The following LPA variants were observed in gnomAD, a reference collection of about 807,000 sequenced individuals.
LPA encodes the protein apolipoprotein(a).
In LPA, 199 loss-of-function variants were observed where a neutral mutation model predicts 197.9. The ratio of observed to expected loss-of-function variants is 1.01; its 90% CI spans 0.90 to 1.13. LPA has a LOEUF of 1.13. Among genes scored for constraint, LPA ranks in the 50% most tolerant of loss-of-function variants. The pLI is 0.00. For missense variants in LPA, 1,853 were observed against 1,785.8 expected (o/e 1.04, Z -0.68); for synonymous variants, 715 against 639.5 (o/e 1.12, Z -1.78).
At chr6:160,582,135 T>G (rs753737267) in intron 26 of LPA, among the ~76,000 whole-genome samples, 2 of 152,138 alleles carry the variant, frequency 1.3e-5, no homozygotes, top group Non-Finnish European at 2.9e-5. Flanking sequence ...TTGTTTGCTG[T>G]GCATAGCGTT....
chr6:160,564,201 A>C (rs924999251), intron 28 of LPA, among the ~76,000 whole-genome samples: 4 of 152,288 alleles, frequency 2.6e-5, no homozygotes, highest in South Asian at 4.1e-4. Flanking sequence ...AGTAGCTGTT[A>C]CTGGTTTTTC....
intron 30 of LPA, among the ~76,000 whole-genome samples, chr6:160,552,127 G>T (rs1778176499): frequency 6.6e-6 from 1 of 152,100 alleles, no homozygotes; most frequent in Admixed American, 6.6e-5. Context: ...GCTAAGGCTG[G>T]TCTTGAACAT....
chr6:160,587,897 G>A (rs539851334), intron 24 of LPA, among the ~76,000 whole-genome samples: 1 of 152,000 alleles, frequency 6.6e-6, no homozygotes, highest in Admixed American at 6.6e-5. Flanking sequence ...CTAAAGTGAT[G>A]ATAAGGCCAT....
intron 19 of LPA, among the ~76,000 whole-genome samples, chr6:160,600,272 A>G (rs1779212797): frequency 6.6e-6 from 1 of 152,294 alleles, no homozygotes; most frequent in African/African-American, 2.4e-5. Context: ...GCATTGCAAT[A>G]AAGCAAAAGT....
In LPA at chr6:160,531,592, A is replaced by AAGT; in HGVS notation, c.*136_*137insACT. On this transcript the variant is annotated 3_prime_UTR_variant, in exon 39 of 39. Coordinates refer to ENST00000316300, the MANE Select transcript of LPA (RefSeq NM_005577.4). ...AAAGCTTATACACAAAAATACCAAAAATGCCAAGGTTTGGCATAGCTGGTA... is the reference window on the plus strand; with the variant it reads ...AAAGCTTATACACAAAAATACCAAAAAGTATGCCAAGGTTTGGCATAGCTGGTA... The AAGT allele has an allele frequency of 2.5e-6, 3 of 1,200,116 alleles. No individual in the cohort carries two copies. Among genetic ancestry groups the AAGT allele is most frequent in the Non-Finnish European group, 3.6e-6 (3 of 822,204 alleles). 74.3% of individuals were successfully genotyped at this position (1,200,116 alleles called of 1,614,324 possible). A position where few individuals can be genotyped will look rare whatever the true frequency, so the allele number is the denominator to read the frequency against.
chr6:160,596,310 C>T (rs1315359539), intron 20 of LPA, among the ~76,000 whole-genome samples: 1 of 151,926 alleles, frequency 6.6e-6, no homozygotes, highest in Non-Finnish European at 1.5e-5. Flanking sequence ...AGAGTTTACT[C>T]CCTTGTTGGT....
At chr6:160,533,693 C>A (rs149241450) in intron 37 of LPA, among the ~76,000 whole-genome samples, 1 of 152,284 alleles carries the variant, frequency 6.6e-6, no homozygotes, top group East Asian at 1.9e-4. Context: ...CTTTGCCTCA[C>A]CCTTGTGATA....
chr6:160,589,096 A>C (rs1220131282), intron 24 of LPA, among the ~76,000 whole-genome samples: 2 of 152,210 alleles, frequency 1.3e-5, no homozygotes, highest in Non-Finnish European at 2.9e-5. Context: ...ATGTGTTTAT[A>C]CAGGTTAGAG....
chr6:160,559,716 G>T (rs576851949), intron 28 of LPA, among the ~76,000 whole-genome samples: 1 of 152,152 alleles, frequency 6.6e-6, no homozygotes, highest in African/African-American at 2.4e-5. Flanking sequence ...TTAAGTTTAT[G>T]TGAGTCCTTA....
chr6:160,594,338 C>T (rs1167868815), intron 21 of LPA, among the ~76,000 whole-genome samples: 2 of 152,170 alleles, frequency 1.3e-5, no homozygotes, highest in Admixed American at 6.5e-5. Context: ...ACACAGGCAC[C>T]AAAGGAAAGA....
intron 28 of LPA, among the ~76,000 whole-genome samples, chr6:160,571,639 C>T (rs1778563704): frequency 6.6e-6 from 1 of 152,202 alleles, no homozygotes; most frequent in African/African-American, 2.4e-5. Flanking sequence ...TGCACCCTGC[C>T]CAGTTCAAAC....
chr6:160,582,399 C>G (rs1778818458), intron 26 of LPA, among the ~76,000 whole-genome samples: 1 of 151,658 alleles, frequency 6.6e-6, no homozygotes. Flanking sequence ...AGGTGTTATT[C>G]CATTGTTTCT....
At chr6:160,536,786 A>G (rs1431052926) in intron 37 of LPA, among the ~76,000 whole-genome samples, 1 of 152,212 alleles carries the variant, frequency 6.6e-6, no homozygotes, top group Non-Finnish European at 1.5e-5. Flanking sequence ...GGGAACAAGG[A>G]GTCAAGGAGG....
intron 7 of LPA, among the ~76,000 whole-genome samples, chr6:160,634,898 C>T (rs1235779660): frequency 6.7e-6 from 1 of 150,278 alleles, no homozygotes; most frequent in South Asian, 2.1e-4. Context: ...AGCCCATCAC[C>T]CTGGAAGGTT....
At chr6:160,571,790 G>C (rs1052466960) in intron 28 of LPA, among the ~76,000 whole-genome samples, 1 of 152,232 alleles carries the variant, frequency 6.6e-6, no homozygotes, top group Admixed American at 6.5e-5. Flanking sequence ...TTTCAAGCCA[G>C]TGGAGCTTAG....
rs370793685 is a variant in LPA at position 160,585,046 on chromosome 6, G to C, written c.4289C>G (p.Ala1430Gly). 3.1e-5 allele frequency: 50 copies of C among 1,613,380 alleles called. No individual in the cohort carries two copies. Among genetic ancestry groups the C allele is most frequent in the Admixed American group, 5.0e-5 (3 of 59,966 alleles). ...HRRIPLYYPN[A>G]GLTRNYCRNP... is the part of the protein sequence containing the mutation. ...TTTATGGCTAACATGATAGACATAC[G>C]CATTTGGATAGTATAATGGGATCCT... The change falls in exon 26 of 39, where the codon GCT (alanine) becomes GGT (glycine). Residue 1430 changes from alanine (A) to glycine (G), a missense_variant and splice_region_variant. Physicochemically the swap from Ala to Gly is moderately conservative, Grantham distance 60 (BLOSUM62 0). Transcript: ENST00000316300.
At chr6:160,585,229 G>A (rs755418816) in intron 25 of LPA, 24 bp from the exon 26 acceptor site, 12 of 1,612,860 alleles carry the variant, frequency 7.4e-6, no homozygotes, top group Non-Finnish European at 9.3e-6. Flanking sequence ...AGAAAATCAA[G>A]CTCAGTATTG....
At chr6:160,660,351 T>A (rs1321797979) in intron 1 of LPA, among the ~76,000 whole-genome samples, 1 of 152,242 alleles carries the variant, frequency 6.6e-6, no homozygotes, top group South Asian at 2.1e-4. Flanking sequence ...ATGTCTAGCA[T>A]GCAGGACTTG....
At chr6:160,584,090 C>A (rs1001341164) in intron 26 of LPA, among the ~76,000 whole-genome samples, 2 of 152,066 alleles carry the variant, frequency 1.3e-5, no homozygotes, top group Non-Finnish European at 2.9e-5. Flanking sequence ...AACCCATATC[C>A]CTTCAGAAAA....
Sources: gnomAD v4.1 joint callset for allele counts (sites outside exome capture counted in the v4.1 genomes callset) on GRCh38, gnomAD v4.1.1 for gene constraint, MANE v1.5 for transcripts, NCBI Gene and HGNC (gene_info 2026-07-23, HGNC 2026-07-21) for gene names.